The following CDADC1 variants were observed in gnomAD, a reference collection of about 807,000 sequenced individuals.
CDADC1 encodes the protein cytidine and dCMP deaminase domain containing 1.
In CDADC1, 39 loss-of-function variants were observed where a neutral mutation model predicts 54.9. The observed-to-expected ratio is 0.71, with a 90% CI of 0.55 to 0.93. The LOEUF is 0.93. CDADC1 is among the 40% of genes least tolerant of loss of function. CDADC1 has a pLI of 0.00. For missense variants in CDADC1, 518 were observed against 618.8 expected, an observed-to-expected ratio of 0.84 and a Z score of 1.73; for synonymous variants, 186 against 204.0, an observed-to-expected ratio of 0.91 and a Z score of 0.75.
rs1489316091 is a variant in CDADC1, at chr13:49,286,225, C to A, written c.1414C>A (p.Gln472Lys). The A allele has an allele frequency of 6.2e-7, 1 of 1,612,456 alleles. No homozygotes were observed. Among genetic ancestry groups the A allele is most frequent in the Non-Finnish European group, 8.5e-7 (1 of 1,178,642 alleles). Residue 472 changes from glutamine (Q) to lysine (K), a missense_variant, in exon 9 of 10, where the codon CAG becomes AAG. By Grantham distance (53) the Gln-to-Lys change is moderately conservative (BLOSUM62 1). Coordinates refer to ENST00000251108, the MANE Select transcript of CDADC1 (RefSeq NM_030911.4). ...AAATGTTTGTGCACTCTTACAGTGG[C>A]AGCTGAATCCATCAGGAGCTTATGG... Reference protein sequence around the residue: ...ELEGVSKFTWQLNPSGAYGLE... With the variant: ...ELEGVSKFTWKLNPSGAYGLE...
intron 2 of CDADC1, among the ~76,000 whole-genome samples, chr13:49,255,309 C>T (rs1952518589): frequency 6.6e-6 from 1 of 152,180 alleles, no homozygotes; most frequent in Admixed American, 6.5e-5. Flanking sequence ...CTCCCTATGT[C>T]AAGGTAGGTG....
intron 1 of CDADC1, 82 bp from the exon 2 acceptor site, chr13:49,248,789 G>T (rs1952355340): frequency 7.0e-6 from 6 of 861,868 alleles, no homozygotes; most frequent in Non-Finnish European, 8.0e-6. Flanking sequence ...GGCTTAGGCT[G>T]CAGCACCTAA....
chr13:49,253,160 A>G (rs1485355634), intron 2 of CDADC1, among the ~76,000 whole-genome samples: 1 of 152,226 alleles, frequency 6.6e-6, no homozygotes, highest in Non-Finnish European at 1.5e-5. Context: ...TTGTATTGGA[A>G]ATACTGCTTT....
At position 49,267,948 on chromosome 13, in the gene CDADC1, G is replaced by A. The variant is rs372035818; in HGVS notation, c.889G>A (p.Gly297Arg). The A allele has an allele frequency of 3.7e-6, 6 of 1,614,038 alleles. No homozygotes were observed. The highest frequency in any genetic ancestry group is 2.2e-5 in the East Asian group (1 of 44,882). Reference protein sequence around the residue: ...ASSVPNFKHFGFYRSNPEQIN... With the variant: ...ASSVPNFKHFRFYRSNPEQIN... ...CAGTGTGCCGAACTTTAAACACTTCGGATTTTACCGTAGCAATCCAGAACA... is the reference window on the plus strand; with the variant it reads ...CAGTGTGCCGAACTTTAAACACTTCAGATTTTACCGTAGCAATCCAGAACA... The change falls in exon 5 of 10, where the codon GGA becomes AGA. Residue 297 changes from glycine (G) to arginine (R), a missense_variant. Transcript: ENST00000251108.
chr13:49,287,979 A>G (rs544192743), intron 9 of CDADC1, among the ~76,000 whole-genome samples: 46 of 152,196 alleles, frequency 3.0e-4, no homozygotes, highest in African/African-American at 1.1e-3. Context: ...CCTTAAAAAA[A>G]AAAAAAAAAA....
chr13:49,274,697 G>C (rs9596077), intron 6 of CDADC1, among the ~76,000 whole-genome samples: 1 of 151,752 alleles, frequency 6.6e-6, no homozygotes, highest in African/African-American at 2.4e-5. Flanking sequence ...TAATATTTTT[G>C]TAATGGTGCA....
intron 9 of CDADC1, among the ~76,000 whole-genome samples, chr13:49,287,039 A>C (rs1041336469): frequency 1.3e-5 from 2 of 152,206 alleles, no homozygotes; most frequent in African/African-American, 4.8e-5. Flanking sequence ...AAAAATACAA[A>C]AAATAGCCAG....
rs1952847518 is a variant in CDADC1 at position 49,267,660 on chromosome 13, C to T, written c.601C>T (p.Gln201Ter). The T allele has an allele frequency of 8.7e-6, 14 of 1,613,980 alleles. No homozygotes were observed. The highest frequency in any genetic ancestry group is 1.3e-5 in the African/African-American group (1 of 74,914). ...LLQPLVCYMV[Q>*]FVEETSYKCD... ...TCAACCTTTGGTGTGTTATATGGTGCAGTTTGTAGAGGAGACCTCTTACAA... is the reference window on the plus strand; with the variant it reads ...TCAACCTTTGGTGTGTTATATGGTGTAGTTTGTAGAGGAGACCTCTTACAA... The change falls in exon 5 of 10, where the codon CAG becomes TAG. Residue 201 changes from glutamine to a stop codon, truncating the protein, a stop_gained. Transcript: ENST00000251108. LOFTEE classifies it high-confidence loss of function.
In CDADC1 at chr13:49,267,478, T is replaced by C; in HGVS notation, c.431-12T>C. ...TGTATCTCATAATTACCTTTCGTAT[T>C]TTGTATTTCAGCTGGAGTTAACCGA... is the stretch of plus-strand genomic sequence containing the variant. On this transcript the variant is annotated splice_polypyrimidine_tract_variant and intron_variant, in intron 4 of 9. Transcript: ENST00000251108. The C allele has an allele frequency of 1.2e-6, 2 of 1,601,844 alleles. No individual in the cohort carries two copies. The highest frequency in any genetic ancestry group is 1.7e-6 in the Non-Finnish European group (2 of 1,173,376).
chr13:49,249,343 G>A (rs1303736220), intron 2 of CDADC1, among the ~76,000 whole-genome samples: 1 of 152,170 alleles, frequency 6.6e-6, no homozygotes, highest in Non-Finnish European at 1.5e-5. Context: ...ATTTTACCTA[G>A]CATATACCCT....
intron 1 of CDADC1, 192 bp downstream of exon 1, chr13:49,248,311 A>G: frequency 1.8e-6 from 1 of 562,570 alleles, no homozygotes; most frequent in Non-Finnish European, 3.2e-6. Context: ...TGGCTTTTGA[A>G]GTCTCGCTTT....
At chr13:49,280,030 A>G (rs536388841) in intron 7 of CDADC1, among the ~76,000 whole-genome samples, 1 of 152,366 alleles carries the variant, frequency 6.6e-6, no homozygotes, top group Admixed American at 6.5e-5. Flanking sequence ...TTATTCATTT[A>G]GTAAACATTT....
chr13:49,249,625 G>A (rs58769218), intron 2 of CDADC1, among the ~76,000 whole-genome samples: 1,614 of 152,116 alleles, frequency 0.011, 23 homozygotes, highest in African/African-American at 0.037. Flanking sequence ...TCCCAGTTAC[G>A]CGGGAGGCTG....
intron 5 of CDADC1, among the ~76,000 whole-genome samples, chr13:49,271,865 T>G (rs1371366864): frequency 6.6e-6 from 1 of 152,228 alleles, no homozygotes; most frequent in Non-Finnish European, 1.5e-5. Flanking sequence ...GAGCAATTTC[T>G]GTAAAAATTA....
chr13:49,287,656 A>G (rs1037866072), intron 9 of CDADC1, among the ~76,000 whole-genome samples: 1 of 152,162 alleles, frequency 6.6e-6, no homozygotes, highest in African/African-American at 2.4e-5. Context: ...CTATGCTACA[A>G]TGAAGAATAT....
At chr13:49,250,888 C>T (rs1241829817) in intron 2 of CDADC1, among the ~76,000 whole-genome samples, 1 of 152,196 alleles carries the variant, frequency 6.6e-6, no homozygotes, top group Admixed American at 6.5e-5. Flanking sequence ...CATCCCCCCA[C>T]TCTGGCTCTA....
intron 8 of CDADC1, 61 bp downstream of exon 8, chr13:49,280,759 C>A: frequency 1.2e-6 from 1 of 864,854 alleles, no homozygotes; most frequent in Non-Finnish European, 1.6e-6. Context: ...TACCCTGCTG[C>A]AATATTGTAA....
At chr13:49,249,575 C>T (rs921871725) in intron 2 of CDADC1, among the ~76,000 whole-genome samples, 4 of 151,988 alleles carry the variant, frequency 2.6e-5, no homozygotes, top group Non-Finnish European at 4.4e-5. Context: ...CTCTATTAAA[C>T]ATACAAAAAT....
Position 49,278,372 on chromosome 13 carries a change from C to A in CDADC1, c.1073C>A (p.Ala358Asp). 1 of 1,578,020 alleles carries A rather than the reference C, an allele frequency of 6.3e-7. No homozygotes were observed. The highest frequency in any genetic ancestry group is 8.7e-7 in the Non-Finnish European group (1 of 1,153,652). The change falls in exon 7 of 10, where the codon GCC becomes GAC. Residue 358 changes from alanine (A) to aspartate (D), a missense_variant. Physicochemically the swap from Ala to Asp is moderately radical, Grantham distance 126. Transcript: ENST00000251108. ...GKSRSCDGTGAMYFVGCGYNA... is the reference protein window; with the variant it reads ...GKSRSCDGTGDMYFVGCGYNA... ...TAGAGAAGTTGTGATGGAACAGGTG[C>A]CATGTACTTTGTAGGATGTGGTTAC...
Sources: allele counts gnomAD v4.1 joint callset (sites outside exome capture counted in the v4.1 genomes callset), GRCh38; gene constraint gnomAD v4.1.1; transcripts MANE v1.5; gene names NCBI Gene and HGNC (gene_info 2026-07-23, HGNC 2026-07-21).